Variants in SYN3 observed in about 807,000 individuals in gnomAD.
SYN3 encodes synapsin-3.
In SYN3, 35 loss-of-function variants were observed where a neutral mutation model predicts 65.8. The ratio of observed to expected loss-of-function variants is 0.53; its 90% confidence interval spans 0.41 to 0.70. SYN3 has a LOEUF of 0.70. Ranked by LOEUF, SYN3 falls within the 30% of genes least tolerant of loss-of-function variation. SYN3 has a pLI of 0.00. For synonymous variants in SYN3, 270 were observed against 292.9 expected, an observed-to-expected ratio of 0.92 and a Z score of 0.80; for missense variants, 680 against 749.0, an observed-to-expected ratio of 0.91 and a Z score of 1.08.
chr22:32,995,501 G>T (rs1180343543), intron 2 of SYN3, among the ~76,000 whole-genome samples: 1 of 152,132 alleles, frequency 6.6e-6, no homozygotes, highest in Non-Finnish European at 1.5e-5. Context: ...AGCCACTGCT[G>T]GTTGTGCCAG....
chr22:32,742,374 T>G (rs2044798725), intron 6 of SYN3, among the ~76,000 whole-genome samples: 1 of 152,184 alleles, frequency 6.6e-6, no homozygotes, highest in Non-Finnish European at 1.5e-5. Context: ...CTTGGATTCT[T>G]ATAGGATCTC....
Position 32,611,278 on chromosome 22 carries a change from TTTTTTG to T in SYN3, c.712-14548_712-14543del, listed in dbSNP as rs1410900462. 1.6e-3 allele frequency among the ~76,000 whole-genome samples: 171 copies of T among 106,656 alleles called. 1 individual carries two copies. Among genetic ancestry groups the T allele is most frequent in the African/African-American group, 2.6e-3 (67 of 25,586 alleles). 70.0% of individuals were successfully genotyped at this position (106,656 alleles called of 152,430 possible). ...AGCAGAGGGCTTCAGCTAGAGTTTT[TTTTTTG>T]TTTTTTTTTTTTTTTTTTTTTGTGG... On this transcript the variant is annotated intron_variant, in intron 6 of 13. Coordinates refer to ENST00000358763, the MANE Select transcript of SYN3 (RefSeq NM_003490.4).
At chr22:32,585,173 C>A (rs914407607) in intron 7 of SYN3, among the ~76,000 whole-genome samples, 2 of 152,174 alleles carry the variant, frequency 1.3e-5, no homozygotes, top group African/African-American at 4.8e-5. Flanking sequence ...TGTACGGGCA[C>A]TTGGGAATTG....
chr22:32,766,312 C>T (rs1003225842), intron 6 of SYN3, among the ~76,000 whole-genome samples: 22 of 152,132 alleles, frequency 1.4e-4, no homozygotes, highest in African/African-American at 4.1e-4. Flanking sequence ...ATAGAAGCTC[C>T]AGGAGGAAGA....
intron 3 of SYN3, among the ~76,000 whole-genome samples, chr22:32,949,078 C>T (rs2051205398): frequency 1.3e-5 from 2 of 152,084 alleles, no homozygotes; most frequent in African/African-American, 4.8e-5. Flanking sequence ...ATCTGAAATG[C>T]TCCAGTGAGC....
chr22:32,637,621 T>C lies in SYN3; in HGVS notation c.712-40885A>G, dbSNP rs1360156139. ...GTACCCAACAGTTAGGTTTTCTTTT[T>C]TTCTTTTTCTTTTTTTTTTTTTTTT... On this transcript the variant is annotated intron_variant, in intron 6 of 13. Coordinates refer to ENST00000358763, the MANE Select transcript of SYN3 (RefSeq NM_003490.4). 4.4e-5 allele frequency among the ~76,000 whole-genome samples: 6 copies of C among 136,366 alleles called. No individual in the cohort carries two copies. In the East Asian group the frequency reaches 5.9e-4, roughly 13 times the overall value. 89.5% of individuals were successfully genotyped at this position (136,366 alleles called of 152,430 possible). A position where few individuals can be genotyped will look rare whatever the true frequency, so the allele number is the denominator to read the frequency against.
intron 4 of SYN3, among the ~76,000 whole-genome samples, chr22:32,879,084 C>A (rs949768904): frequency 6.6e-6 from 1 of 152,126 alleles, no homozygotes; most frequent in Non-Finnish European, 1.5e-5. Context: ...TACACACACA[C>A]ACACACTTTG....
At position 32,866,686 on chromosome 22, in the gene SYN3, G is replaced by A. The variant is rs5749530; in HGVS notation, c.622-1682C>T. ...TAACTGTGATAAAAGGTGGGGAAGG[G>A]CTAACACCATCTAGGACCCTTTCCT... On this transcript the variant is annotated intron_variant, in intron 5 of 13. Coordinates refer to ENST00000358763, the MANE Select transcript of SYN3 (RefSeq NM_003490.4). Among the ~76,000 whole-genome samples, 1,169 of 152,252 alleles carry A rather than the reference G, an allele frequency of 7.7e-3. 8 individuals carry two copies. The highest frequency in any genetic ancestry group is 0.029 in the East Asian group (152 of 5,182).
chr22:32,569,563 C>CTGTATATATATATATATA (rs373627613), intron 7 of SYN3, among the ~76,000 whole-genome samples: 2 of 52,888 alleles, frequency 3.8e-5, no homozygotes, highest in African/African-American at 1.2e-4. Flanking sequence ...CTCTCTCTCT[C>CTGTATATATATATATATA]TCTCTCTCTA....
At chr22:32,958,942 C>A (rs2051553050) in intron 3 of SYN3, among the ~76,000 whole-genome samples, 1 of 152,100 alleles carries the variant, frequency 6.6e-6, no homozygotes, top group Non-Finnish European at 1.5e-5. Flanking sequence ...CCTATAATCC[C>A]AGCACTTTGA....
At chr22:32,649,634 C>G (rs1000693390) in intron 6 of SYN3, among the ~76,000 whole-genome samples, 1 of 152,124 alleles carries the variant, frequency 6.6e-6, no homozygotes, top group East Asian at 1.9e-4. Context: ...ACTAGCTTCG[C>G]GGCTGGGCCC....
At chr22:32,897,019 T>C (rs970408525) in intron 4 of SYN3, among the ~76,000 whole-genome samples, 1 of 152,160 alleles carries the variant, frequency 6.6e-6, no homozygotes, top group African/African-American at 2.4e-5. Flanking sequence ...CTCTGAGGCC[T>C]TGAGCTGCAG....
At chr22:32,689,200 A>G (rs1297165762) in intron 6 of SYN3, among the ~76,000 whole-genome samples, 1 of 152,220 alleles carries the variant, frequency 6.6e-6, no homozygotes, top group Non-Finnish European at 1.5e-5. Context: ...AGTCTAGTCT[A>G]GGGCAGAGAC....
chr22:32,571,139 G>A (rs1291386324), intron 7 of SYN3, among the ~76,000 whole-genome samples: 1 of 152,160 alleles, frequency 6.6e-6, no homozygotes, highest in Non-Finnish European at 1.5e-5. Context: ...TGCTACAGGA[G>A]GCAGTCTGAG....
chr22:32,668,536 C>T (rs1368378579), intron 6 of SYN3, among the ~76,000 whole-genome samples: 2 of 151,962 alleles, frequency 1.3e-5, no homozygotes, highest in Non-Finnish European at 2.9e-5. Context: ...TCTCCTTCTC[C>T]TTCCCCTCTT....
At chr22:32,805,769 G>C (rs1441179193) in intron 6 of SYN3, among the ~76,000 whole-genome samples, 2 of 152,080 alleles carry the variant, frequency 1.3e-5, no homozygotes, top group African/African-American at 4.8e-5. Flanking sequence ...GTTATACCAT[G>C]CTTCAAAAAC....
At chr22:32,941,841 T>G (rs1224400210) in intron 3 of SYN3, among the ~76,000 whole-genome samples, 1 of 152,214 alleles carries the variant, frequency 6.6e-6, no homozygotes, top group Non-Finnish European at 1.5e-5. Flanking sequence ...CCACGGAGCC[T>G]CGCTCATTGC....
At chr22:32,962,175 C>T (rs1053645309) in intron 3 of SYN3, among the ~76,000 whole-genome samples, 3 of 124,408 alleles carry the variant, frequency 2.4e-5, no homozygotes, top group South Asian at 2.7e-4. Flanking sequence ...CTCGTTCTGT[C>T]GCCAGGCTGG....
intron 6 of SYN3, among the ~76,000 whole-genome samples, chr22:32,752,596 G>A (rs142477391): frequency 7.9e-5 from 12 of 152,320 alleles, no homozygotes; most frequent in Non-Finnish European, 1.5e-4. Flanking sequence ...GCCGCGTGCC[G>A]GGGCTCTGCT....
Sources: gnomAD v4.1 joint callset for allele counts (sites outside exome capture counted in the v4.1 genomes callset) on GRCh38, gnomAD v4.1.1 for gene constraint, MANE v1.5 for transcripts, NCBI Gene and HGNC (gene_info 2026-07-23, HGNC 2026-07-21) for gene names.